GRXCR1: variants seen among roughly 807,000 people sequenced by gnomAD.
GRXCR1 encodes glutaredoxin and cysteine rich domain containing 1, also known as glutaredoxin domain-containing cysteine-rich protein 1.
A neutral mutation model predicts 27.3 loss-of-function variants in GRXCR1; 27 were observed. That is an observed-to-expected ratio of 0.99 (90% CI 0.73 to 1.37). The LOEUF is 1.37. Among genes scored for constraint, GRXCR1 ranks in the 40% most tolerant of loss-of-function variants. GRXCR1 has a pLI of 0.00. For synonymous variants in GRXCR1, 122 were observed against 131.1 expected, an observed-to-expected ratio of 0.93 and a Z score of 0.47; for missense variants, 379 against 354.4, an observed-to-expected ratio of 1.07 and a Z score of -0.56.
At chr4:43,024,256 G>A (rs1476914387) in intron 3 of GRXCR1, among the ~76,000 whole-genome samples, 4 of 126,322 alleles carry the variant, frequency 3.2e-5, no homozygotes, top group Non-Finnish European at 6.2e-5. Flanking sequence ...CTCCCCTGAG[G>A]GCGGGTAACC....
intron 2 of GRXCR1, among the ~76,000 whole-genome samples, chr4:43,004,351 G>T (rs1023668075): frequency 6.6e-6 from 1 of 152,242 alleles, no homozygotes; most frequent in African/African-American, 2.4e-5. Flanking sequence ...CCTCTACTAG[G>T]GAACTGCAGA....
At chr4:42,949,348 C>G (rs1180401037) in intron 1 of GRXCR1, among the ~76,000 whole-genome samples, 1 of 97,684 alleles carries the variant, frequency 1.0e-5, no homozygotes, top group African/African-American at 4.4e-5. Flanking sequence ...GACCAAGACT[C>G]CATCTCAAAA....
intron 1 of GRXCR1, among the ~76,000 whole-genome samples, chr4:42,903,891 T>C (rs1429592058): frequency 6.6e-6 from 1 of 152,162 alleles, no homozygotes; most frequent in East Asian, 1.9e-4. Context: ...GGAAATTAAG[T>C]AGCTGCCTAC....
At chr4:43,018,182 C>A (rs189349899) in intron 2 of GRXCR1, among the ~76,000 whole-genome samples, 2 of 152,172 alleles carry the variant, frequency 1.3e-5, no homozygotes, top group African/African-American at 2.4e-5. Context: ...GCTTTGACTA[C>A]TGTCAATGCT....
At chr4:42,938,447 A>G (rs971542107) in intron 1 of GRXCR1, among the ~76,000 whole-genome samples, 1 of 151,932 alleles carries the variant, frequency 6.6e-6, no homozygotes, top group Non-Finnish European at 1.5e-5. Flanking sequence ...TTATATACCT[A>G]GCACTGAGAT....
At chr4:43,006,464 A>G (rs767257138) in intron 2 of GRXCR1, among the ~76,000 whole-genome samples, 9 of 152,190 alleles carry the variant, frequency 5.9e-5, no homozygotes, top group Admixed American at 1.3e-4. Flanking sequence ...ATAGGCTTAT[A>G]AACAGCTCCC....
intron 1 of GRXCR1, among the ~76,000 whole-genome samples, chr4:42,903,000 C>T (rs1232592720): frequency 1.3e-5 from 2 of 152,038 alleles, no homozygotes; most frequent in Non-Finnish European, 2.9e-5. Context: ...AGCTTGTTGT[C>T]AGAGTATAAA....
chr4:42,932,599 T>TAC (rs1747344780), intron 1 of GRXCR1, among the ~76,000 whole-genome samples: 1 of 57,724 alleles, frequency 1.7e-5, no homozygotes, highest in African/African-American at 6.7e-5. Flanking sequence ...TATATATATA[T>TAC]ATATATATAT....
intron 1 of GRXCR1, among the ~76,000 whole-genome samples, chr4:42,959,930 A>G (rs1012155381): frequency 6.6e-6 from 1 of 151,904 alleles, no homozygotes; most frequent in African/African-American, 2.4e-5. Flanking sequence ...CTAACATTCA[A>G]CATTCTTGAG....
At chr4:43,012,927 A>C (rs78572028) in intron 2 of GRXCR1, among the ~76,000 whole-genome samples, 6,888 of 152,258 alleles carry the variant, frequency 0.045, 453 homozygotes, top group African/African-American at 0.15. Flanking sequence ...ATGCAAGCAG[A>C]CAACAAACAT....
At chr4:42,913,316 G>A (rs1443798736) in intron 1 of GRXCR1, among the ~76,000 whole-genome samples, 1 of 152,170 alleles carries the variant, frequency 6.6e-6, no homozygotes, top group Non-Finnish European at 1.5e-5. Flanking sequence ...CTTGTTGAAT[G>A]GTTTTGACCA....
At chr4:42,947,282 G>A (rs10517065) in intron 1 of GRXCR1, among the ~76,000 whole-genome samples, 27,752 of 151,802 alleles carry the variant, frequency 0.18, 2,583 homozygotes, top group South Asian at 0.22. Context: ...ACCCTAGCTG[G>A]ACACAGAGGA....
chr4:43,002,981 G>C (rs1257447583), intron 2 of GRXCR1, among the ~76,000 whole-genome samples: 1 of 152,188 alleles, frequency 6.6e-6, no homozygotes, highest in African/African-American at 2.4e-5. Flanking sequence ...TCAAGATAGT[G>C]AGTGAGTGCT....
At chr4:42,912,796 C>G (rs1041831103) in intron 1 of GRXCR1, among the ~76,000 whole-genome samples, 2 of 152,096 alleles carry the variant, frequency 1.3e-5, no homozygotes, top group Non-Finnish European at 2.9e-5. Flanking sequence ...TGGTTTGGCT[C>G]TATGTCCCCA....
intron 1 of GRXCR1, among the ~76,000 whole-genome samples, chr4:42,925,984 A>AG: frequency 6.6e-6 from 1 of 152,148 alleles, no homozygotes; most frequent in Non-Finnish European, 1.5e-5. Flanking sequence ...CATGGAAAAA[A>AG]CTACTTTCAC....
intron 1 of GRXCR1, among the ~76,000 whole-genome samples, chr4:42,944,869 A>G (rs1274678918): frequency 1.3e-5 from 2 of 152,288 alleles, no homozygotes; most frequent in South Asian, 2.1e-4. Flanking sequence ...GACAAAAGAC[A>G]TAATCAATCT....
chr4:42,903,360 G>A (rs995690078), intron 1 of GRXCR1, among the ~76,000 whole-genome samples: 2 of 133,040 alleles, frequency 1.5e-5, no homozygotes, highest in Non-Finnish European at 3.1e-5. Flanking sequence ...CACCCAGGCT[G>A]GAGTGCAGTG....
chr4:42,917,815 A>G (rs928033325), intron 1 of GRXCR1, among the ~76,000 whole-genome samples: 2 of 152,072 alleles, frequency 1.3e-5, no homozygotes, highest in Admixed American at 6.6e-5. Context: ...TTAGACAATT[A>G]AAGTGAGAGA....
chr4:42,931,497 G>A (rs1747304365), intron 1 of GRXCR1, among the ~76,000 whole-genome samples: 1 of 151,942 alleles, frequency 6.6e-6, no homozygotes, highest in South Asian at 2.1e-4. Context: ...GTATCTTCCA[G>A]AAGTTTTGCC....
Sources: allele counts gnomAD v4.1 joint callset (sites outside exome capture counted in the v4.1 genomes callset), GRCh38; gene constraint gnomAD v4.1.1; transcripts MANE v1.5; gene names NCBI Gene and HGNC (gene_info 2026-07-23, HGNC 2026-07-21).